The following ASTN1 variants were observed in gnomAD, a reference collection of about 807,000 sequenced individuals.
ASTN1 encodes astrotactin-1.
ASTN1 carries 41 observed loss-of-function variants against 140.7 expected under a neutral mutation model. The ratio of observed to expected loss-of-function variants is 0.29; its 90% CI spans 0.23 to 0.38. The LOEUF (loss-of-function observed/expected upper bound fraction) is 0.38. ASTN1 is among the 10% of genes least tolerant of loss of function. ASTN1 has a pLI of 1.00. For missense variants in ASTN1, 1,479 were observed against 1,678.8 expected (o/e 0.88, Z 2.08); for synonymous variants, 640 against 652.2 (o/e 0.98, Z 0.29).
chr1:177,107,431 C>T (rs1680603527), intron 1 of ASTN1, among the ~76,000 whole-genome samples: 1 of 152,176 alleles, frequency 6.6e-6, no homozygotes, highest in Non-Finnish European at 1.5e-5. Flanking sequence ...ATGCATAAAC[C>T]TAGGAAGGAT....
intron 1 of ASTN1, among the ~76,000 whole-genome samples, chr1:177,118,389 C>G (rs1408910633): frequency 6.6e-6 from 1 of 152,084 alleles, no homozygotes; most frequent in African/African-American, 2.4e-5. Flanking sequence ...TGGCATTGAT[C>G]CTAGGGGGGC....
At chr1:176,941,200 A>G (rs1671697192) in intron 14 of ASTN1, among the ~76,000 whole-genome samples, 1 of 152,202 alleles carries the variant, frequency 6.6e-6, no homozygotes, top group Non-Finnish European at 1.5e-5. Flanking sequence ...TGTTCCCAGA[A>G]CTAGAGATAA....
chr1:177,059,596 T>A (rs2102029865), intron 2 of ASTN1, among the ~76,000 whole-genome samples: 1 of 152,290 alleles, frequency 6.6e-6, no homozygotes, highest in South Asian at 2.1e-4. Flanking sequence ...TTAAACAAAG[T>A]GCCTCGTGTA....
At chr1:177,016,309 TTTGTAAAAAAAAAAAAAAAAA>T (rs1675542663) in intron 7 of ASTN1, among the ~76,000 whole-genome samples, 1 of 120,516 alleles carries the variant, frequency 8.3e-6, no homozygotes, top group Non-Finnish European at 1.8e-5. Flanking sequence ...AACCTCTTCA[TTTGTAAAAAAAAAAAAAAAAA>T]AGCCCACAGG....
At chr1:177,014,710 T>C in intron 8 of ASTN1, 81 bp downstream of exon 8, 2 of 1,322,026 alleles carry the variant, frequency 1.5e-6, no homozygotes, top group Non-Finnish European at 2.2e-6. Context: ...TCTATTCCTC[T>C]CCATGCAGTT....
At chr1:176,892,056 T>G (rs979158408) in intron 17 of ASTN1, among the ~76,000 whole-genome samples, 1 of 151,930 alleles carries the variant, frequency 6.6e-6, no homozygotes, top group Admixed American at 6.6e-5. Flanking sequence ...GCCATAAGCA[T>G]GAGAAAAAAT....
intron 1 of ASTN1, among the ~76,000 whole-genome samples, chr1:177,139,890 C>T (rs1443290098): frequency 3.3e-5 from 5 of 152,024 alleles, no homozygotes; most frequent in Non-Finnish European, 7.4e-5. Flanking sequence ...TTTTTATCAT[C>T]TACAAAATCA....
intron 2 of ASTN1, among the ~76,000 whole-genome samples, chr1:177,050,887 T>C (rs1447360367): frequency 6.6e-6 from 1 of 152,102 alleles, no homozygotes; most frequent in African/African-American, 2.4e-5. Flanking sequence ...TATTTTAGCA[T>C]ATCCAGGCAT....
chr1:176,897,274 C>CAAAAAAA (rs56828059), intron 16 of ASTN1, among the ~76,000 whole-genome samples: 21 of 44,112 alleles, frequency 4.8e-4, no homozygotes, highest in African/African-American at 2.1e-3. Flanking sequence ...GACTCCGTCT[C>CAAAAAAA]AAAAAAAAAA....
intron 1 of ASTN1, among the ~76,000 whole-genome samples, chr1:177,143,628 C>A (rs1380546167): frequency 6.6e-6 from 1 of 152,074 alleles, no homozygotes; most frequent in African/African-American, 2.4e-5. Flanking sequence ...TGTCAATATG[C>A]CACTTGAAAT....
chr1:177,086,839 G>T (rs1287728615), intron 1 of ASTN1, among the ~76,000 whole-genome samples: 1 of 152,064 alleles, frequency 6.6e-6, no homozygotes, highest in African/African-American at 2.4e-5. Context: ...TAAATAGTTT[G>T]TAATGAAGAG....
chr1:176,857,973 C>T (rs1490420282), downstream of ASTN1, among the ~76,000 whole-genome samples: 1 of 152,146 alleles, frequency 6.6e-6, no homozygotes, highest in African/African-American at 2.4e-5. Context: ...GGGCACTTGA[C>T]ATTTGAATTA....
At chr1:177,052,181 CT>C (rs1677573859) in intron 2 of ASTN1, among the ~76,000 whole-genome samples, 1 of 152,148 alleles carries the variant, frequency 6.6e-6, no homozygotes, top group African/African-American at 2.4e-5. Flanking sequence ...GGTCTTTTCC[CT>C]AAGCACAATC....
intron 1 of ASTN1, among the ~76,000 whole-genome samples, chr1:177,146,835 T>C (rs1682740849): frequency 6.6e-6 from 1 of 152,188 alleles, no homozygotes; most frequent in African/African-American, 2.4e-5. Flanking sequence ...TTCTTTCAAG[T>C]AAAAATTGTG....
intron 1 of ASTN1, among the ~76,000 whole-genome samples, chr1:177,064,828 C>T (rs1235980470): frequency 6.6e-6 from 1 of 152,244 alleles, no homozygotes; most frequent in South Asian, 2.1e-4. Context: ...TGCTACAATG[C>T]TAAACCAGGA....
At chr1:176,899,690 C>T (rs909067024) in intron 16 of ASTN1, among the ~76,000 whole-genome samples, 5 of 152,170 alleles carry the variant, frequency 3.3e-5, no homozygotes, top group Admixed American at 2.6e-4. Flanking sequence ...CCCCAACCCC[C>T]ACCCCAGTCT....
intron 5 of ASTN1, among the ~76,000 whole-genome samples, chr1:177,025,419 GTTTC>G (rs1372566381): frequency 6.6e-6 from 1 of 151,568 alleles, no homozygotes; most frequent in African/African-American, 2.4e-5. Flanking sequence ...AGAGTGTTTT[GTTTC>G]TTTATTTTTT....
At chr1:177,051,503 A>G (rs909755788) in intron 2 of ASTN1, among the ~76,000 whole-genome samples, 1 of 152,256 alleles carries the variant, frequency 6.6e-6, no homozygotes, top group Admixed American at 6.5e-5. Flanking sequence ...AATGTTTAAC[A>G]TCTGGTCCTT....
At chr1:176,918,147 C>T (rs188704627) in intron 16 of ASTN1, among the ~76,000 whole-genome samples, 33 of 152,130 alleles carry the variant, frequency 2.2e-4, no homozygotes, top group East Asian at 2.1e-3. Flanking sequence ...ACTGTTTCTT[C>T]GTAGTCTTCT....
Sources: gnomAD v4.1 joint callset for allele counts (sites outside exome capture counted in the v4.1 genomes callset) on GRCh38, gnomAD v4.1.1 for gene constraint, MANE v1.5 for transcripts, NCBI Gene and HGNC (gene_info 2026-07-23, HGNC 2026-07-21) for gene names.